The following SOX6 variants were observed in gnomAD, a reference collection of about 807,000 sequenced individuals.
SOX6 encodes transcription factor SOX-6.
In SOX6, 11 loss-of-function variants were observed where a neutral mutation model predicts 97.8. The observed-to-expected ratio is 0.11, with a 90% confidence interval of 0.07 to 0.19. The LOEUF is 0.19. SOX6 is among the 10% of genes least tolerant of loss of function. The probability of loss-of-function intolerance (pLI) is 1.00; values close to 1 mark genes in which losing one functional copy is unlikely to be tolerated. For missense variants in SOX6, 810 were observed against 1,039.5 expected (o/e 0.78, Z 3.04); for synonymous variants, 360 against 371.4 (o/e 0.97, Z 0.35).
At chr11:16,103,525 C>T (rs1365803382) in intron 7 of SOX6, among the ~76,000 whole-genome samples, 1 of 151,858 alleles carries the variant, frequency 6.6e-6, no homozygotes, top group African/African-American at 2.4e-5. Flanking sequence ...TAGGTATCTA[C>T]CCAGAGGAAA....
chr11:16,712,076 C>CAT (rs1366542086), intron 3 of SOX6, among the ~76,000 whole-genome samples: 1 of 113,058 alleles, frequency 8.8e-6, no homozygotes, highest in Non-Finnish European at 1.8e-5. Flanking sequence ...AGTAGTATTC[C>CAT]ATACACACAC....
At chr11:16,634,823 C>A (rs1848760554) in intron 3 of SOX6, among the ~76,000 whole-genome samples, 1 of 151,598 alleles carries the variant, frequency 6.6e-6, no homozygotes, top group Admixed American at 6.6e-5. Flanking sequence ...GGGAGGGACC[C>A]AGTGAGGGGT....
intron 4 of SOX6, among the ~76,000 whole-genome samples, chr11:16,487,364 T>C (rs1003829168): frequency 2.0e-5 from 3 of 152,152 alleles, no homozygotes; most frequent in Admixed American, 6.5e-5. Context: ...ATGGCATGAA[T>C]AGGAATTTCT....
intron 3 of SOX6, among the ~76,000 whole-genome samples, chr11:16,255,179 C>T (rs183351726): frequency 6.6e-6 from 1 of 152,080 alleles, no homozygotes; most frequent in Admixed American, 6.6e-5. Flanking sequence ...TTTAACACCC[C>T]TCTATGAGAA....
At chr11:16,112,804 G>A (rs760264465) in intron 6 of SOX6, among the ~76,000 whole-genome samples, 158 of 152,120 alleles carry the variant, frequency 1.0e-3, no homozygotes, top group Admixed American at 1.9e-3. Flanking sequence ...CATGCTGCCC[G>A]GATTCCAGGA....
intron 4 of SOX6, among the ~76,000 whole-genome samples, chr11:16,206,949 A>C (rs570681765): frequency 9.3e-4 from 142 of 152,290 alleles, no homozygotes; most frequent in South Asian, 8.7e-3. Context: ...ACTTTCCAAC[A>C]TGATATACAT....
chr11:16,230,909 A>G (rs115905988), intron 4 of SOX6, among the ~76,000 whole-genome samples: 2,234 of 151,842 alleles, frequency 0.015, 29 homozygotes, highest in African/African-American at 0.022. Context: ...ATCAGAGTGT[A>G]ATAAAAGATG....
At chr11:16,122,827 A>T (rs1251072376) in intron 6 of SOX6, among the ~76,000 whole-genome samples, 1 of 152,076 alleles carries the variant, frequency 6.6e-6, no homozygotes, top group African/African-American at 2.4e-5. Context: ...TATGTTATTT[A>T]AAAACTAAGC....
intron 4 of SOX6, among the ~76,000 whole-genome samples, chr11:16,564,004 A>G (rs750216414): frequency 2.4e-4 from 37 of 152,184 alleles, no homozygotes; most frequent in Non-Finnish European, 4.9e-4. Context: ...CCTATACCCA[A>G]TGAAAATATC....
At chr11:16,709,070 T>A (rs1848157545) in intron 3 of SOX6, among the ~76,000 whole-genome samples, 1 of 152,142 alleles carries the variant, frequency 6.6e-6, no homozygotes, top group African/African-American at 2.4e-5. Flanking sequence ...GCTGATACAG[T>A]TGGATATTTA....
intron 3 of SOX6, among the ~76,000 whole-genome samples, chr11:16,289,530 A>G (rs1469471680): frequency 1.3e-5 from 2 of 152,024 alleles, no homozygotes; most frequent in Non-Finnish European, 2.9e-5. Flanking sequence ...TTCTGTCTTC[A>G]ACTTAAAGAA....
intron 3 of SOX6, among the ~76,000 whole-genome samples, chr11:16,255,849 A>C (rs1363054294): frequency 6.6e-6 from 1 of 151,860 alleles, no homozygotes; most frequent in African/African-American, 2.4e-5. Context: ...AGGAAAAAAA[A>C]AAAAGAGACG....
intron 4 of SOX6, among the ~76,000 whole-genome samples, chr11:16,552,045 TC>T (rs1225869047): frequency 3.3e-5 from 5 of 152,226 alleles, no homozygotes; most frequent in African/African-American, 1.2e-4. Flanking sequence ...AGATACATCT[TC>T]TATTTTCCCA....
chr11:16,127,489 A>G (rs1324223116), intron 6 of SOX6, among the ~76,000 whole-genome samples: 1 of 152,132 alleles, frequency 6.6e-6, no homozygotes, highest in Non-Finnish European at 1.5e-5. Context: ...TGATTTAAAA[A>G]TAAGAAAACA....
At chr11:16,439,680 T>C (rs1407583428) in intron 1 of SOX6, among the ~76,000 whole-genome samples, 2 of 152,194 alleles carry the variant, frequency 1.3e-5, no homozygotes, top group South Asian at 2.1e-4. Context: ...TTCCATAAAA[T>C]TTTATTCACA....
intron 9 of SOX6, among the ~76,000 whole-genome samples, chr11:16,079,985 C>T (rs1194972993): frequency 6.8e-6 from 1 of 148,052 alleles, no homozygotes; most frequent in Non-Finnish European, 1.5e-5. Context: ...TACTGATATA[C>T]AGCACAATAA....
intron 3 of SOX6, among the ~76,000 whole-genome samples, chr11:16,237,520 G>A (rs572286518): frequency 2.0e-4 from 30 of 152,014 alleles, no homozygotes; most frequent in African/African-American, 7.0e-4. Context: ...TATTACAGAG[G>A]CAATTGATCA....
chr11:16,731,197 G>A (rs968774756), intron 2 of SOX6, among the ~76,000 whole-genome samples: 5 of 149,226 alleles, frequency 3.4e-5, no homozygotes, highest in African/African-American at 9.8e-5. Context: ...CATTCCTTCC[G>A]AAACTATTCC....
chr11:16,015,151 A>C (rs1206961778), intron 12 of SOX6, 101 bp from the exon 13 acceptor site: 27 of 996,762 alleles, frequency 2.7e-5, no homozygotes, highest in Non-Finnish European at 4.0e-5. Context: ...GAATTCAAAA[A>C]TATCATTTCT....
Sources: gnomAD v4.1 joint callset for allele counts (sites outside exome capture counted in the v4.1 genomes callset) on GRCh38, gnomAD v4.1.1 for gene constraint, MANE v1.5 for transcripts, NCBI Gene and HGNC (gene_info 2026-07-23, HGNC 2026-07-21) for gene names.